LPA: variants seen among roughly 807,000 people sequenced by gnomAD.
LPA encodes lipoprotein(a).
In LPA, 199 loss-of-function variants were observed where a neutral mutation model predicts 197.9. The ratio of observed to expected loss-of-function variants is 1.01; its 90% CI spans 0.90 to 1.13. The LOEUF is 1.13. Among genes scored for constraint, LPA ranks in the 50% most tolerant of loss-of-function variants. The probability of loss-of-function intolerance (pLI) is 0.00; values close to 1 mark genes in which losing one functional copy is unlikely to be tolerated. For synonymous variants in LPA, 715 were observed against 639.5 expected (o/e 1.12, Z -1.78); for missense variants, 1,853 against 1,785.8 (o/e 1.04, Z -0.68).
chr6:160,661,799 G>C (rs1780231695), intron 1 of LPA, among the ~76,000 whole-genome samples: 1 of 152,174 alleles, frequency 6.6e-6, no homozygotes, highest in Non-Finnish European at 1.5e-5. Context: ...CTCTTTTCCA[G>C]GAAGAGTTGT....
intron 28 of LPA, among the ~76,000 whole-genome samples, chr6:160,575,363 A>T (rs1281472269): frequency 6.6e-6 from 1 of 152,110 alleles, no homozygotes; most frequent in East Asian, 1.9e-4. Context: ...GTCTATTTGT[A>T]TTGAATGATT....
Position 160,585,186 on chromosome 6 carries a change from A to G in LPA, c.4149T>C (p.Thr1383=), listed in dbSNP as rs1778885855. 1.2e-6 allele frequency: 2 copies of G among 1,613,674 alleles called. No homozygotes were observed. Among genetic ancestry groups the G allele is most frequent in the African/African-American group, 1.3e-5 (1 of 74,870 alleles). Reference sequence around the variant, plus strand: ...CACCTCGGTAGCAGTCCTGGACCCCAGTGCTGTTTTCAGTTGGTGCTGAAA... The same window carrying G: ...CACCTCGGTAGCAGTCCTGGACCCCGGTGCTGTTTTCAGTTGGTGCTGAAA... ...PSEEAPTENS[T]GVQDCYRGDG... The change falls in exon 26 of 39, where the codon ACT becomes ACC. Residue 1383 remains threonine (T), a synonymous_variant. Coordinates refer to ENST00000316300, the MANE Select transcript of LPA (RefSeq NM_005577.4).
intron 1 of LPA, among the ~76,000 whole-genome samples, chr6:160,663,201 C>A (rs929737704): frequency 6.6e-6 from 1 of 152,222 alleles, no homozygotes; most frequent in Admixed American, 6.5e-5. Flanking sequence ...AGACTTCTCT[C>A]TTCTTAATTG....
chr6:160,594,041 G>A lies in LPA; in HGVS notation c.3546C>T (p.Thr1182=), dbSNP rs753860396. Residue 1182 remains threonine, a synonymous_variant, in exon 22 of 39, where the codon ACC becomes ACT. Transcript: ENST00000316300. ...DGQSYRGSFS[T]TVTGRTCQSW... ...ACTGACATGTCCTTCCTGTGACAGTGGTAGAGAATGAGCCTCGATAACTCT... is the reference window on the plus strand; with the variant it reads ...ACTGACATGTCCTTCCTGTGACAGTAGTAGAGAATGAGCCTCGATAACTCT... 2 of 1,613,976 alleles carry A rather than the reference G, an allele frequency of 1.2e-6. No homozygotes were observed. The highest frequency in any genetic ancestry group is 2.2e-5 in the South Asian group (2 of 91,074).
chr6:160,591,419 TGA>T (rs765939871), intron 22 of LPA, among the ~76,000 whole-genome samples: 4 of 152,352 alleles, frequency 2.6e-5, no homozygotes, highest in Admixed American at 6.5e-5. Context: ...TTGGATTAAC[TGA>T]GAGATTTTGA....
intron 26 of LPA, 96 bp from the exon 27 acceptor site, chr6:160,578,800 G>C: frequency 6.4e-7 from 1 of 1,570,870 alleles, no homozygotes; most frequent in Non-Finnish European, 8.7e-7. Context: ...GTGTTAACAA[G>C]TGCCTTTGAA....
In LPA at chr6:160,589,464, G is replaced by T. The variant is rs971170440; in HGVS notation, c.3947+89C>A. 47 of 1,470,598 alleles carry T rather than the reference G, an allele frequency of 3.2e-5. No individual in the cohort carries two copies. The African/African-American group carries it at 4.8e-4, about 15-fold the overall frequency. 91.1% of individuals were successfully genotyped at this position (1,470,598 alleles called of 1,614,324 possible). A position where few individuals can be genotyped will look rare whatever the true frequency, so the allele number is the denominator to read the frequency against. On this transcript the variant is annotated intron_variant, in intron 24 of 38. Coordinates refer to ENST00000316300, the MANE Select transcript of LPA (RefSeq NM_005577.4). The stretch of plus-strand genomic sequence containing the variant: ...AACATTCTGGGTCTGAGAGAAATTG[G>T]GTCATAAGAAGTTAGCTGGAAGCAT...
chr6:160,654,038 TATATAATATATA>T lies in LPA; in HGVS notation c.50-3553_50-3542del, dbSNP rs1161697931. 4.3e-3 allele frequency among the ~76,000 whole-genome samples: 54 copies of T among 12,542 alleles called. 9 individuals are homozygous for T. The highest frequency in any genetic ancestry group is 0.025 in the African/African-American group (52 of 2,088). 8.2% of individuals were successfully genotyped at this position (12,542 alleles called of 152,430 possible). On this transcript the variant is annotated intron_variant, in intron 1 of 38. Coordinates refer to ENST00000316300, the MANE Select transcript of LPA (RefSeq NM_005577.4). ...TATATATAATATATAATATATATTA[TATATAATATATA>T]ATATATTATATATATTATATATAAT...
At chr6:160,650,032 A>C (rs535474897) in intron 2 of LPA, among the ~76,000 whole-genome samples, 2 of 152,228 alleles carry the variant, frequency 1.3e-5, no homozygotes, top group Non-Finnish European at 2.9e-5. Context: ...TTCAAGGGGT[A>C]AAGATCACAT....
At chr6:160,582,738 C>G (rs1324220827) in intron 26 of LPA, among the ~76,000 whole-genome samples, 1 of 152,064 alleles carries the variant, frequency 6.6e-6, no homozygotes, top group Non-Finnish European at 1.5e-5. Context: ...ATCATTTTTT[C>G]CATATTTAGA....
intron 18 of LPA, among the ~76,000 whole-genome samples, chr6:160,604,344 T>C (rs1365605702): frequency 5.3e-5 from 8 of 152,146 alleles, no homozygotes; most frequent in Non-Finnish European, 2.9e-5. Flanking sequence ...ATTCTTTTGG[T>C]CCACTACTGT....
chr6:160,601,000 G>A lies in LPA; in HGVS notation c.3044C>T (p.Thr1015Ile), dbSNP rs1027477900. Residue 1015 changes from threonine to isoleucine, a missense_variant, in exon 19 of 39, where the codon ACA becomes ATA. Coordinates refer to ENST00000316300, the MANE Select transcript of LPA (RefSeq NM_005577.4). Reference sequence around the variant, plus strand: ...AGTCCATTCTGCATCTGAGCATCGTGTCAGGTTGCAGTACTCCCACCTGAC... The same window carrying A: ...AGTCCATTCTGCATCTGAGCATCGTATCAGGTTGCAGTACTCCCACCTGAC... ...PSVRWEYCNL[T>I]RCSDAEWTAF... 4.3e-6 allele frequency: 7 copies of A among 1,613,950 alleles called. No individual in the cohort carries two copies. The highest frequency in any genetic ancestry group is 2.7e-5 in the African/African-American group (2 of 74,918).
chr6:160,605,195 C>T lies in LPA; in HGVS notation c.2796G>A (p.Glu932=), dbSNP rs1779321881. ...LEAPSEQAPT[E]QRPGVQECYH... is the part of the protein sequence containing the mutation. The stretch of plus-strand genomic sequence containing the variant: ...AGCACTCCTGCACCCCAGGCCTTTG[C>T]TCAGTTGGTGCTGAAATGAAAAGAA... The change falls in exon 18 of 39, where the codon GAG becomes GAA. Residue 932 remains glutamate (E), a synonymous_variant. Transcript: ENST00000316300. The T allele has an allele frequency of 1.2e-6, 2 of 1,613,630 alleles. No individual in the cohort carries two copies. The highest frequency in any genetic ancestry group is 1.3e-5 in the African/African-American group (1 of 74,884).
At position 160,601,053 on chromosome 6, in the gene LPA, G is replaced by A. The variant is rs774527730; in HGVS notation, c.2991C>T (p.Ala997=). 11 of 1,613,926 alleles carry A rather than the reference G, an allele frequency of 6.8e-6. No individual in the cohort carries two copies. Among genetic ancestry groups the A allele is most frequent in the Non-Finnish European group, 8.5e-7 (1 of 1,179,976 alleles). Residue 997 remains alanine, a synonymous_variant, in exon 19 of 39, where the codon GCC becomes GCT. Coordinates refer to ENST00000316300, the MANE Select transcript of LPA (RefSeq NM_005577.4). ...TGGGATCTGTTGTATAACACCAAGG[G>A]GCTGCCACAGGATCTGGATTTCGGC... The part of the protein sequence containing the change: ...NYCRNPDPVA[A]PWCYTTDPSV...
At chr6:160,579,626 C>T (rs913389652) in intron 26 of LPA, among the ~76,000 whole-genome samples, 1 of 152,166 alleles carries the variant, frequency 6.6e-6, no homozygotes, top group Non-Finnish European at 1.5e-5. Context: ...TTGGAGAATG[C>T]CTTCCCCATT....
chr6:160,603,257 T>C (rs548105072), intron 18 of LPA, among the ~76,000 whole-genome samples: 27 of 151,878 alleles, frequency 1.8e-4, no homozygotes, highest in African/African-American at 5.8e-4. Context: ...TGTGTGTGTG[T>C]GTGCGTGCAT....
chr6:160,574,598 A>G (rs1354101643), intron 28 of LPA, among the ~76,000 whole-genome samples: 4 of 151,754 alleles, frequency 2.6e-5, no homozygotes, highest in African/African-American at 9.7e-5. Context: ...CTACCCCTAT[A>G]TTTTGCTTGG....
At chr6:160,550,425 C>T (rs531046335) in intron 30 of LPA, among the ~76,000 whole-genome samples, 1 of 152,270 alleles carries the variant, frequency 6.6e-6, no homozygotes, top group South Asian at 2.1e-4. Flanking sequence ...ATACATGTGA[C>T]CCAGTCTCAA....
intron 37 of LPA, among the ~76,000 whole-genome samples, chr6:160,536,699 C>T (rs1481179502): frequency 6.6e-6 from 1 of 152,198 alleles, no homozygotes; most frequent in African/African-American, 2.4e-5. Flanking sequence ...CAGCCTCCCA[C>T]ACCCATAGGT....
Sources: allele counts gnomAD v4.1 joint callset (sites outside exome capture counted in the v4.1 genomes callset), GRCh38; gene constraint gnomAD v4.1.1; transcripts MANE v1.5; gene names NCBI Gene and HGNC (gene_info 2026-07-23, HGNC 2026-07-21).